Variants in PDZD11 observed in about 807,000 individuals in gnomAD.
The protein encoded by PDZD11 is PDZ domain-containing protein 11.
PDZD11 carries 2 observed loss-of-function variants against 13.7 expected under a neutral mutation model. The observed-to-expected ratio is 0.15, with a 90% CI of 0.06 to 0.46. The LOEUF is 0.46. Among genes scored for constraint, PDZD11 ranks in the 20% least tolerant of loss-of-function variants. PDZD11 has a pLI of 0.98. For synonymous variants in PDZD11, 32 were observed against 37.5 expected, an observed-to-expected ratio of 0.85 and a Z score of 0.54; for missense variants, 44 against 111.7, an observed-to-expected ratio of 0.39 and a Z score of 2.73.
At chrX:70,287,630 G>T in intron 5 of PDZD11, 102 bp downstream of exon 5, 1 of 653,258 alleles carries the variant, frequency 1.5e-6, no homozygotes, top group Non-Finnish European at 2.5e-6. Flanking sequence ...ACAGTGCCCA[G>T]CAAAATGCTT....
intron 6 of PDZD11, 27 bp downstream of exon 6, chrX:70,287,249 A>G: frequency 8.4e-7 from 1 of 1,193,911 alleles, no homozygotes; most frequent in Non-Finnish European, 1.1e-6. Context: ...CCCTGTCAGG[A>G]AAGTGAAAAA....
Position 70,287,124 on chromosome X carries a change from AAAG to A in PDZD11, c.389-11_389-9del, listed in dbSNP as rs747916701. On this transcript the variant is annotated splice_polypyrimidine_tract_variant and intron_variant, in intron 6 of 6. Transcript: ENST00000239666. ...CTTTTTGGCGATGATAATCTGAAGG[AAAG>A]AAGAAGAAAAGGAGGAACAGAGCAG... is the stretch of plus-strand genomic sequence containing the variant. The A allele has an allele frequency of 1.2e-5, 14 of 1,195,955 alleles. No homozygotes were observed. The African/African-American group carries it at 1.4e-4, about 12-fold the overall frequency.
chrX:70,287,692 A>G, intron 5 of PDZD11, 40 bp downstream of exon 5: 1 of 1,014,590 alleles, frequency 9.9e-7, no homozygotes, highest in Non-Finnish European at 1.4e-6. Flanking sequence ...CCTATTTGAG[A>G]TGGCTTCTTG....
intron 5 of PDZD11, 127 bp downstream of exon 5, chrX:70,287,605 T>C (rs929042301): frequency 2.4e-5 from 13 of 548,278 alleles, no homozygotes; most frequent in Non-Finnish European, 4.0e-5. Flanking sequence ...GTAGCTGGGA[T>C]TACAGGCGTG....
intron 5 of PDZD11, 101 bp downstream of exon 5, chrX:70,287,631 C>T (rs1159106097): frequency 3.0e-6 from 2 of 657,736 alleles, no homozygotes; most frequent in Non-Finnish European, 4.8e-6. Flanking sequence ...CAGTGCCCAG[C>T]AAAATGCTTT....
rs1206338310 is a variant in PDZD11 at position 70,288,472 on chromosome X, A to G, written c.129T>C (p.Phe43=). ...HPDYNNELTQ[F]LPRTITLKKP... Reference sequence around the variant, plus strand: ...TCTTCAGTGTGATGGTTCGGGGCAGAAACTGGGTCAACTCATTGTTGTAGT... The same window carrying G: ...TCTTCAGTGTGATGGTTCGGGGCAGGAACTGGGTCAACTCATTGTTGTAGT... Residue 43 remains phenylalanine, a synonymous_variant, in exon 3 of 7, where the codon TTT becomes TTC. Coordinates refer to ENST00000239666, the MANE Select transcript of PDZD11 (RefSeq NM_016484.5). The G allele has an allele frequency of 3.3e-6, 4 of 1,209,604 alleles. No individual in the cohort carries two copies. In the African/African-American group the frequency reaches 5.3e-5, roughly 16 times the overall value.
At chrX:70,287,676 A>G (rs943252804) in intron 5 of PDZD11, 56 bp downstream of exon 5, 2 of 914,120 alleles carry the variant, frequency 2.2e-6, no homozygotes, top group Non-Finnish European at 3.2e-6. Flanking sequence ...CTCCTGTCCA[A>G]TCTGTCCTAT....
rs373791355 is a variant in PDZD11, at chrX:70,288,073, A to T, written c.228+44T>A. 196 of 1,069,414 alleles carry T rather than the reference A, an allele frequency of 1.8e-4. No individual in the cohort carries two copies. In the African/African-American group the frequency reaches 3.0e-3, roughly 16 times the overall value. 88.1% of individuals were successfully genotyped at this position (1,069,414 alleles called of 1,213,427 possible). A position where few individuals can be genotyped will look rare whatever the true frequency, so the allele number is the denominator to read the frequency against. The stretch of plus-strand genomic sequence containing the variant: ...TAGGGTTCTGCAATCTGTTAATTTA[A>T]CAAAGGGAAGTAACGATCCATATTG... On this transcript the variant is annotated intron_variant, in intron 4 of 6. Coordinates refer to ENST00000239666, the MANE Select transcript of PDZD11 (RefSeq NM_016484.5).
At chrX:70,287,903 A>G in intron 4 of PDZD11, 73 bp from the exon 5 acceptor site, 1 of 837,982 alleles carries the variant, frequency 1.2e-6, no homozygotes, top group Non-Finnish European at 1.8e-6. Context: ...ATTCGGTGCT[A>G]TTCAAATGTA....
At chrX:70,288,608 G>A (rs1210551532) in intron 2 of PDZD11, 95 bp from the exon 3 acceptor site, 1 of 681,030 alleles carries the variant, frequency 1.5e-6, no homozygotes, top group Non-Finnish European at 2.3e-6. Context: ...TCAGGAAAAG[G>A]AAAGGTCATA....
chrX:70,288,323 G>A, intron 3 of PDZD11, 107 bp downstream of exon 3: 1 of 882,442 alleles, frequency 1.1e-6, no homozygotes, highest in South Asian at 2.2e-5. Context: ...CTGTCCACAA[G>A]AAGGAAAGTT....
rs1255954477 is a variant in PDZD11 at position 70,289,070 on chromosome X, G to A, written c.87+185C>T. Among the ~76,000 whole-genome samples the A allele has an allele frequency of 4.5e-5, 5 of 111,818 alleles. No individual in the cohort carries two copies. In the East Asian group the frequency reaches 1.4e-3, roughly 31 times the overall value. On this transcript the variant is annotated intron_variant, in intron 2 of 6. Transcript: ENST00000239666. ...AACCGGTGTGAACAGACCCTAGCAG[G>A]AGGCTTCCATAAAGAAGTTCCCAAT...
chrX:70,288,129 G>A lies in PDZD11; in HGVS notation c.216C>T (p.Ile72=), dbSNP rs772297914. 3.2e-5 allele frequency: 38 copies of A among 1,205,352 alleles called. No homozygotes were observed. The Admixed American group carries it at 7.9e-4, about 25-fold the overall frequency. The change falls in exon 4 of 7, where the codon ATC becomes ATT. Residue 72 remains isoleucine (I), a synonymous_variant. Coordinates refer to ENST00000239666, the MANE Select transcript of PDZD11 (RefSeq NM_016484.5). The part of the protein sequence containing the change: ...IRGGKASQLG[I]FISKVIPDSD... Reference sequence around the variant, plus strand: ...TGGGCATAAATACCTTGGAGATGAAGATGCCTAGCTGGGAGGCCTTTCCTC... The same window carrying A: ...TGGGCATAAATACCTTGGAGATGAAAATGCCTAGCTGGGAGGCCTTTCCTC...
At position 70,286,872 on chromosome X, in the gene PDZD11, T is replaced by C. The variant is rs1240187357; in HGVS notation, c.*210A>G. ...CCTCACAGGCTAGGTTATGCCTAGA[T>C]ATCATCATCCTCCTTTCAGGGAATG... On this transcript the variant is annotated 3_prime_UTR_variant, in exon 7 of 7. Coordinates refer to ENST00000239666, the MANE Select transcript of PDZD11 (RefSeq NM_016484.5). The C allele has an allele frequency of 2.3e-6, 1 of 443,994 alleles. No homozygotes were observed. Among genetic ancestry groups the C allele is most frequent in the Non-Finnish European group, 4.0e-6 (1 of 250,098 alleles). The allele number at this position is 443,994 out of a possible 1,213,427, so 36.6% of individuals were successfully genotyped here. A position where few individuals can be genotyped will look rare whatever the true frequency, so the allele number is the denominator to read the frequency against.
chrX:70,287,979 T>G (rs768708894), intron 4 of PDZD11, 138 bp downstream of exon 4: 2 of 706,599 alleles, frequency 2.8e-6, no homozygotes, highest in South Asian at 5.0e-5. Flanking sequence ...AAGTTTTAAG[T>G]GGGAAAGGGG....
Position 70,288,109 on chromosome X carries a change from A to G in PDZD11, c.228+8T>C, listed in dbSNP as rs748439539. 1.0e-5 allele frequency: 12 copies of G among 1,192,937 alleles called. No individual in the cohort carries two copies. The highest frequency in any genetic ancestry group is 1.1e-5 in the Non-Finnish European group (10 of 879,709). On this transcript the variant is annotated splice_region_variant and intron_variant, in intron 4 of 6. Coordinates refer to ENST00000239666, the MANE Select transcript of PDZD11 (RefSeq NM_016484.5). ...TAACGATCCATATTGCCTACTGGGCATAAATACCTTGGAGATGAAGATGCC... is the reference window on the plus strand; with the variant it reads ...TAACGATCCATATTGCCTACTGGGCGTAAATACCTTGGAGATGAAGATGCC...
In PDZD11 at chrX:70,287,074, G is replaced by A; in HGVS notation, c.*8C>T. On this transcript the variant is annotated 3_prime_UTR_variant, in exon 7 of 7. Coordinates refer to ENST00000239666, the MANE Select transcript of PDZD11 (RefSeq NM_016484.5). ...GAGTCCACATGAAGGGCTGTGGGCT[G>A]CAACTTTCTAGTGCACAGTCCTCTC... 1.7e-6 allele frequency: 2 copies of A among 1,194,568 alleles called. No individual in the cohort carries two copies. The highest frequency in any genetic ancestry group is 1.8e-5 in the South Asian group (1 of 54,504).
intron 2 of PDZD11, 89 bp from the exon 3 acceptor site, chrX:70,288,602 G>A (rs998040469): frequency 2.8e-6 from 2 of 706,328 alleles, no homozygotes; most frequent in Non-Finnish European, 4.4e-6. Context: ...CTGAAGTCAG[G>A]AAAAGGAAAG....
Position 70,287,289 on chromosome X carries a change from G to A in PDZD11, c.375C>T (p.Arg125=), listed in dbSNP as rs1301731408. 5 of 1,206,443 alleles carry A rather than the reference G, an allele frequency of 4.1e-6. No individual in the cohort carries two copies. Among genetic ancestry groups the A allele is most frequent in the Middle Eastern group, 2.3e-4 (1 of 4,329 alleles). ...AGTGGCACTTACTGTAGGGAAAGAA[G>A]CGCACACGCATGCTGATTTCACGAG... ...KTAREISMRV[R]FFPYNYHRQK... The change falls in exon 6 of 7, where the codon CGC becomes CGT. Residue 125 remains arginine (R), a synonymous_variant. Coordinates refer to ENST00000239666, the MANE Select transcript of PDZD11 (RefSeq NM_016484.5).
Sources: allele counts gnomAD v4.1 joint callset (sites outside exome capture counted in the v4.1 genomes callset), GRCh38; gene constraint gnomAD v4.1.1; transcripts MANE v1.5; gene names NCBI Gene and HGNC (gene_info 2026-07-23, HGNC 2026-07-21).